The following RPH3AL variants were observed in gnomAD, a reference collection of about 807,000 sequenced individuals.
The protein encoded by RPH3AL is rab effector Noc2.
RPH3AL carries 38 observed loss-of-function variants against 43.1 expected under a neutral mutation model. That is an observed-to-expected ratio of 0.88 (90% CI 0.68 to 1.15). The LOEUF (loss-of-function observed/expected upper bound fraction) is 1.15. Ranked by LOEUF, RPH3AL falls within the 50% of genes most tolerant of loss-of-function variation. The pLI, the probability that RPH3AL is intolerant of heterozygous loss-of-function variation, is 0.00. For synonymous variants in RPH3AL, 189 were observed against 176.3 expected (o/e 1.07, Z -0.57); for missense variants, 462 against 423.2 (o/e 1.09, Z -0.81).
At chr17:316,682 C>T (rs1199962072) in intron 5 of RPH3AL, among the ~76,000 whole-genome samples, 6 of 131,502 alleles carry the variant, frequency 4.6e-5, no homozygotes, top group African/African-American at 1.7e-4. Context: ...GACCTGCAGT[C>T]CCTGTGCCCC....
At chr17:257,195 C>G (rs1247327762) in intron 6 of RPH3AL, among the ~76,000 whole-genome samples, 11 of 45,140 alleles carry the variant, frequency 2.4e-4, no homozygotes, top group African/African-American at 6.6e-4. Context: ...AGGGGAGCCG[C>G]ACGGTGTCTG....
intron 5 of RPH3AL, among the ~76,000 whole-genome samples, chr17:293,407 C>A (rs1180472277): frequency 6.6e-6 from 1 of 150,798 alleles, no homozygotes; most frequent in Non-Finnish European, 1.5e-5. Flanking sequence ...CGTGCCTCTG[C>A]GAGTGTCAGT....
At chr17:251,863 A>T (rs2041909643) in intron 6 of RPH3AL, among the ~76,000 whole-genome samples, 1 of 152,164 alleles carries the variant, frequency 6.6e-6, no homozygotes, top group South Asian at 2.1e-4. Flanking sequence ...GGGGGACCCC[A>T]AATGAAGCAG....
chr17:236,224 C>T (rs1267227242), intron 7 of RPH3AL, among the ~76,000 whole-genome samples: 1 of 152,256 alleles, frequency 6.6e-6, no homozygotes, highest in African/African-American at 2.4e-5. Context: ...AATGTCCTAC[C>T]TCTGGGCTTG....
At position 328,803 on chromosome 17, in the gene RPH3AL, G is replaced by A. The variant is rs775125504; in HGVS notation, c.-36-1224C>T. 5.9e-5 allele frequency among the ~76,000 whole-genome samples: 9 copies of A among 151,976 alleles called. No homozygotes were observed. Among genetic ancestry groups the A allele is most frequent in the East Asian group, 1.9e-4 (1 of 5,198 alleles). ...ATTTACAATGGATTATTATTTGGCCGTAAAAAGGAATGAAGTGCTAATACC... is the reference window on the plus strand; with the variant it reads ...ATTTACAATGGATTATTATTTGGCCATAAAAAGGAATGAAGTGCTAATACC... On this transcript the variant is annotated intron_variant, in intron 2 of 9. Coordinates refer to ENST00000331302, the MANE Select transcript of RPH3AL (RefSeq NM_006987.4). This position sits in a 1 kb window ranked among gnomAD's most constrained non-coding sequence, Gnocchi z 4.2.
At position 264,523 on chromosome 17, in the gene RPH3AL, G is replaced by A. The variant is rs1438502735; in HGVS notation, c.439-17238C>T. Among the ~76,000 whole-genome samples, 5 of 151,974 alleles carry A rather than the reference G, an allele frequency of 3.3e-5. No individual in the cohort carries two copies. The highest frequency in any genetic ancestry group is 7.3e-5 in the African/African-American group (3 of 41,358). On this transcript the variant is annotated intron_variant, in intron 6 of 9. Coordinates refer to ENST00000331302, the MANE Select transcript of RPH3AL (RefSeq NM_006987.4). This position sits in a 1 kb window ranked among gnomAD's most constrained non-coding sequence, Gnocchi z 4.8. ...CATGTTGACAGCAGGATTACCCTTC[G>A]GAGCCGTGCGCGCTGGATGGGGACT...
At chr17:258,269 G>C (rs929703992) in intron 6 of RPH3AL, among the ~76,000 whole-genome samples, 2 of 152,182 alleles carry the variant, frequency 1.3e-5, no homozygotes, top group East Asian at 1.9e-4. Flanking sequence ...GTTTCTTCAA[G>C]CTCCTAGCAC....
intron 6 of RPH3AL, among the ~76,000 whole-genome samples, chr17:278,618 C>T (rs1437891291): frequency 6.6e-6 from 1 of 152,018 alleles, no homozygotes; most frequent in Non-Finnish European, 1.5e-5. Context: ...CTCTCTTATC[C>T]CCATATAAAC....
In RPH3AL at chr17:272,979, A is replaced by AGGGTGACATCAGGAAGAGACCCCAGCG. The variant is rs1567604413; in HGVS notation, c.438+8788_438+8789insCGCTGGGGTCTCTTCCTGATGTCACCC. On this transcript the variant is annotated intron_variant, in intron 6 of 9. Coordinates refer to ENST00000331302, the MANE Select transcript of RPH3AL (RefSeq NM_006987.4). Reference sequence around the variant, plus strand: ...GGCTACGTCAGGGTGAGACCCCAGCAAGGGCTACGTCAGGGTGAGACCCCA... The same window carrying AGGGTGACATCAGGAAGAGACCCCAGCG: ...GGCTACGTCAGGGTGAGACCCCAGCAGGGTGACATCAGGAAGAGACCCCAGCGAGGGCTACGTCAGGGTGAGACCCCA... Among the ~76,000 whole-genome samples, 16 of 42,682 alleles carry AGGGTGACATCAGGAAGAGACCCCAGCG rather than the reference A, an allele frequency of 3.7e-4. No homozygotes were observed. In the East Asian group the frequency reaches 4.1e-3, roughly 11 times the overall value. 28.0% of individuals were successfully genotyped at this position (42,682 alleles called of 152,430 possible).
Position 283,413 on chromosome 17 carries a change from T to C in RPH3AL, c.352-1559A>G, listed in dbSNP as rs577147362. Among the ~76,000 whole-genome samples the C allele has an allele frequency of 7.2e-5, 11 of 152,218 alleles. No individual in the cohort carries two copies. The East Asian group carries it at 1.4e-3, about 19-fold the overall frequency. On this transcript the variant is annotated intron_variant, in intron 5 of 9. Transcript: ENST00000331302. The surrounding 1 kb of genome is among the most constrained non-coding windows in gnomAD (Gnocchi z 4.2). ...CCTGCGGGGGACGGATTTGCTACCA[T>C]CCAATGCTCAGGTACGAGAAATGTC...
chr17:307,276 CCA>C, intron 5 of RPH3AL, among the ~76,000 whole-genome samples: 1 of 107,050 alleles, frequency 9.3e-6, no homozygotes, highest in African/African-American at 4.0e-5. Flanking sequence ...CACGGCAGGT[CCA>C]TCCCGCGGCA....
chr17:242,971 C>T (rs2041606505), intron 7 of RPH3AL, among the ~76,000 whole-genome samples: 1 of 131,998 alleles, frequency 7.6e-6, no homozygotes, highest in Non-Finnish European at 1.7e-5. Flanking sequence ...CTATTGACTA[C>T]CTTCCTCTAT....
rs541078696 is a variant in RPH3AL at position 281,909 on chromosome 17, G to A, written c.352-55C>T. 9 of 1,350,504 alleles carry A rather than the reference G, an allele frequency of 6.7e-6. No homozygotes were observed. In the Admixed American group the frequency reaches 6.7e-5, roughly 10 times the overall value. The allele number at this position is 1,350,504 out of a possible 1,614,324, so 83.7% of individuals were successfully genotyped here. On this transcript the variant is annotated intron_variant, in intron 5 of 9. Transcript: ENST00000331302. ...GATTGCAGCCGCTTCCTCCTCCGCC[G>A]AGGGGCTCAGACAACTGTAACGAAG...
intron 5 of RPH3AL, among the ~76,000 whole-genome samples, chr17:285,545 T>C (rs747714664): frequency 6.6e-6 from 1 of 152,146 alleles, no homozygotes; most frequent in Non-Finnish European, 1.5e-5. Context: ...CACGATCTAA[T>C]ACGGTAGCCA....
At chr17:321,248 G>C (rs571718177) in intron 4 of RPH3AL, 24 bp downstream of exon 4, 1 of 1,598,234 alleles carries the variant, frequency 6.3e-7, no homozygotes, top group South Asian at 1.1e-5. Flanking sequence ...TCCTCCCACT[G>C]AGCTGGCCCC....
chr17:258,959 G>A (rs150835714), intron 6 of RPH3AL, among the ~76,000 whole-genome samples: 158 of 152,130 alleles, frequency 1.0e-3, no homozygotes, highest in Middle Eastern at 3.4e-3. Flanking sequence ...AAAAAAGCCC[G>A]TCAACTTCAT....
At chr17:321,169 T>G in intron 4 of RPH3AL, 103 bp downstream of exon 4, 1 of 1,407,804 alleles carries the variant, frequency 7.1e-7, no homozygotes, top group Non-Finnish European at 9.7e-7. Flanking sequence ...CTCCCAGAGG[T>G]AAATAGCAAA....
chr17:266,954 G>A (rs566056558), intron 6 of RPH3AL, among the ~76,000 whole-genome samples: 2 of 152,328 alleles, frequency 1.3e-5, no homozygotes, highest in African/African-American at 4.8e-5. Context: ...GAGAACCCTG[G>A]GACAGGTCGC....
intron 7 of RPH3AL, among the ~76,000 whole-genome samples, chr17:228,815 C>T (rs1202957606): frequency 6.6e-6 from 1 of 152,204 alleles, no homozygotes; most frequent in African/African-American, 2.4e-5. Context: ...CTCGGTCTCC[C>T]CACCATGCTC....
Sources: gnomAD v4.1 joint callset for allele counts (sites outside exome capture counted in the v4.1 genomes callset) on GRCh38, gnomAD v4.1.1 for gene constraint, Gnocchi (gnomAD v3.1) non-coding constraint, MANE v1.5 for transcripts, NCBI Gene and HGNC (gene_info 2026-07-23, HGNC 2026-07-21) for gene names.